The following NAALADL2 variants were observed in gnomAD, a reference collection of about 807,000 sequenced individuals.
The protein encoded by NAALADL2 is inactive N-acetylated-alpha-linked acidic dipeptidase-like protein 2.
In NAALADL2, 76 loss-of-function variants were observed where a neutral mutation model predicts 87.2. That is an observed-to-expected ratio of 0.87 (90% CI 0.72 to 1.05). The LOEUF is 1.05. NAALADL2 is among the 50% of genes least tolerant of loss of function. The pLI is 0.00. For missense variants in NAALADL2, 1,089 were observed against 945.8 expected (o/e 1.15, Z -1.99); for synonymous variants, 354 against 331.0 (o/e 1.07, Z -0.75).
Position 174,974,695 on chromosome 3 carries a change from C to A in NAALADL2, c.43+115245C>A, listed in dbSNP as rs540383708. ...TGCTTGAAAATGGAGCTGATATAAT[C>A]AGGAGATATAATTGTTCAATTGTAT... On this transcript the variant is annotated intron_variant, in intron 1 of 13. Coordinates refer to ENST00000454872, the MANE Select transcript of NAALADL2 (RefSeq NM_207015.3). Among the ~76,000 whole-genome samples, 4 of 152,158 alleles carry A rather than the reference C, an allele frequency of 2.6e-5. No homozygotes were observed. In the South Asian group the frequency reaches 8.3e-4, roughly 32 times the overall value.
rs530009104 is a variant in NAALADL2 at position 175,160,562 on chromosome 3, G to C, written c.545+63271G>C. Reference sequence around the variant, plus strand: ...AGACGGGGTTTCTCCATACTGGTCAGGCTGGTCTTGAGCTCCCAACCTCAG... The same window carrying C: ...AGACGGGGTTTCTCCATACTGGTCACGCTGGTCTTGAGCTCCCAACCTCAG... On this transcript the variant is annotated intron_variant, in intron 2 of 13. Transcript: ENST00000454872. Among the ~76,000 whole-genome samples the C allele has an allele frequency of 5.5e-4, 83 of 151,760 alleles. No homozygotes were observed. In the Middle Eastern group the frequency reaches 0.01, roughly 19 times the overall value.
chr3:174,826,325 GT>G (rs1363654394), intron 3 of NAALADL2, among the ~76,000 whole-genome samples: 1 of 152,170 alleles, frequency 6.6e-6, no homozygotes, highest in East Asian at 1.9e-4. Flanking sequence ...TAGAATGCTT[GT>G]TTTGAATTTT....
chr3:174,842,960 C>G (rs1368586820), intron 3 of NAALADL2, among the ~76,000 whole-genome samples: 1 of 151,828 alleles, frequency 6.6e-6, no homozygotes, highest in Non-Finnish European at 1.5e-5. Context: ...GAGTTACTTT[C>G]TTTTCAATTT....
chr3:175,145,595 T>G (rs1730630900), intron 2 of NAALADL2, among the ~76,000 whole-genome samples: 1 of 152,100 alleles, frequency 6.6e-6, no homozygotes, highest in African/African-American at 2.4e-5. Context: ...TTAGAAGTAG[T>G]GCTGAACCAG....
At chr3:175,201,682 T>C (rs1269337702) in intron 2 of NAALADL2, among the ~76,000 whole-genome samples, 1 of 152,176 alleles carries the variant, frequency 6.6e-6, no homozygotes, top group Admixed American at 6.5e-5. Context: ...TTTAACTTTG[T>C]ACACTAATTT....
intron 4 of NAALADL2, among the ~76,000 whole-genome samples, chr3:175,311,787 G>A (rs1223532146): frequency 6.6e-6 from 1 of 150,422 alleles, no homozygotes; most frequent in African/African-American, 2.5e-5. Context: ...ATTATATTCA[G>A]AACTCTGCAG....
At chr3:175,199,577 T>C (rs1739499422) in intron 2 of NAALADL2, among the ~76,000 whole-genome samples, 1 of 151,742 alleles carries the variant, frequency 6.6e-6, no homozygotes, top group Non-Finnish European at 1.5e-5. Flanking sequence ...ATCAAGTTAG[T>C]ATTTGTTACG....
At chr3:174,731,758 A>G (rs955520605) in intron 2 of NAALADL2, among the ~76,000 whole-genome samples, 9 of 152,168 alleles carry the variant, frequency 5.9e-5, no homozygotes, top group African/African-American at 2.2e-4. Flanking sequence ...TTGTACTGCT[A>G]GTGCAAAAAC....
chr3:175,582,014 T>A (rs1719854766), intron 10 of NAALADL2, among the ~76,000 whole-genome samples: 1 of 152,196 alleles, frequency 6.6e-6, no homozygotes, highest in South Asian at 2.1e-4. Context: ...ACTGTGCTTC[T>A]ACAAAGAATT....
chr3:174,988,847 A>C (rs572052837), intron 1 of NAALADL2, among the ~76,000 whole-genome samples: 1 of 152,312 alleles, frequency 6.6e-6, no homozygotes, highest in East Asian at 1.9e-4. Context: ...AAGTAAAGTC[A>C]CTGGCTTAGT....
At chr3:175,183,198 A>G (rs1364219364) in intron 2 of NAALADL2, among the ~76,000 whole-genome samples, 1 of 151,972 alleles carries the variant, frequency 6.6e-6, no homozygotes, top group Non-Finnish European at 1.5e-5. Flanking sequence ...TCAATGTTCT[A>G]TAGTTTTCAT....
chr3:175,667,133 AAG>A (rs781582350), intron 11 of NAALADL2, among the ~76,000 whole-genome samples: 1 of 148,466 alleles, frequency 6.7e-6, no homozygotes, highest in Non-Finnish European at 1.5e-5. Flanking sequence ...GAGAAAAAGA[AAG>A]AAAGAAAGAG....
intron 3 of NAALADL2, among the ~76,000 whole-genome samples, chr3:174,844,964 T>C (rs550971543): frequency 5.4e-5 from 8 of 147,830 alleles, no homozygotes; most frequent in African/African-American, 1.8e-4. Context: ...GGTGGGGAAG[T>C]GGGACTGCCC....
At chr3:174,599,118 A>G (rs1414286059) in intron 2 of NAALADL2, among the ~76,000 whole-genome samples, 1 of 152,154 alleles carries the variant, frequency 6.6e-6, no homozygotes, top group Non-Finnish European at 1.5e-5. Flanking sequence ...CACTCCATTA[A>G]GTTTCCGTAA....
intron 5 of NAALADL2, among the ~76,000 whole-genome samples, chr3:175,377,510 T>G (rs1767281219): frequency 6.6e-6 from 1 of 152,150 alleles, no homozygotes; most frequent in Non-Finnish European, 1.5e-5. Flanking sequence ...ACATACAGAT[T>G]TTGTCTCATT....
At chr3:175,632,770 CT>C (rs1225091369) in intron 11 of NAALADL2, among the ~76,000 whole-genome samples, 1 of 151,960 alleles carries the variant, frequency 6.6e-6, no homozygotes, top group Non-Finnish European at 1.5e-5. Context: ...TATAGAGCAC[CT>C]AGTCAGATAC....
chr3:175,636,423 G>A (rs1461028902), intron 11 of NAALADL2, among the ~76,000 whole-genome samples: 1 of 152,054 alleles, frequency 6.6e-6, no homozygotes, highest in Non-Finnish European at 1.5e-5. Flanking sequence ...AATCGGCGGG[G>A]CACGGTGGCT....
chr3:175,680,837 G>A (rs556033824), intron 11 of NAALADL2, among the ~76,000 whole-genome samples: 6 of 152,068 alleles, frequency 3.9e-5, no homozygotes, highest in Non-Finnish European at 5.9e-5. Context: ...CTTTAAGGCC[G>A]GGCACAGTAG....
intron 3 of NAALADL2, among the ~76,000 whole-genome samples, chr3:174,775,643 C>G (rs982227085): frequency 6.6e-6 from 1 of 151,984 alleles, no homozygotes; most frequent in African/African-American, 2.4e-5. Context: ...TGAATAAGTC[C>G]CTCAGGCCAC....
Sources: gnomAD v4.1 joint callset for allele counts (sites outside exome capture counted in the v4.1 genomes callset) on GRCh38, gnomAD v4.1.1 for gene constraint, MANE v1.5 for transcripts, NCBI Gene and HGNC (gene_info 2026-07-23, HGNC 2026-07-21) for gene names.